Variants in ULK4 observed in about 807,000 individuals in gnomAD.
The protein encoded by ULK4 is inactive serine/threonine-protein kinase ULK4.
Under a neutral mutation model 160.6 loss-of-function variants are expected in ULK4, and 133 were observed. That is an observed-to-expected ratio of 0.83 (90% CI 0.72 to 0.96). The LOEUF (loss-of-function observed/expected upper bound fraction) is 0.96, where lower values mean the gene tolerates loss of function less well. Ranked by LOEUF, ULK4 falls within the 40% of genes least tolerant of loss-of-function variation. The pLI is 0.00. For missense variants in ULK4, 1,580 were observed against 1,499.5 expected (o/e 1.05, Z -0.89); for synonymous variants, 534 against 539.8 (o/e 0.99, Z 0.15).
At chr3:41,916,485 C>T (rs959404808) in intron 7 of ULK4, among the ~76,000 whole-genome samples, 1 of 152,008 alleles carries the variant, frequency 6.6e-6, no homozygotes, top group African/African-American at 2.4e-5. Context: ...ACCTCCCAGG[C>T]TCAAGTGATC....
intron 34 of ULK4, among the ~76,000 whole-genome samples, chr3:41,431,535 G>GT (rs1308303457): frequency 2.9e-5 from 2 of 68,102 alleles, no homozygotes; most frequent in Non-Finnish European, 5.8e-5. Flanking sequence ...GTGAGGTGTT[G>GT]TAATTCCCTC....
chr3:41,438,224 C>A (rs1423732341), intron 34 of ULK4, among the ~76,000 whole-genome samples: 1 of 151,752 alleles, frequency 6.6e-6, no homozygotes, highest in African/African-American at 2.4e-5. Context: ...AGCCTCACTT[C>A]TTTTTGTACA....
intron 31 of ULK4, among the ~76,000 whole-genome samples, chr3:41,574,349 T>C (rs748623240): frequency 2.0e-5 from 3 of 151,960 alleles, no homozygotes; most frequent in Non-Finnish European, 4.4e-5. Context: ...CTCCCTATTG[T>C]TCCCTCATCT....
At chr3:41,837,959 A>G (rs964189774) in intron 17 of ULK4, among the ~76,000 whole-genome samples, 11 of 152,216 alleles carry the variant, frequency 7.2e-5, no homozygotes, top group Admixed American at 7.2e-4. Flanking sequence ...CATCATCTAG[A>G]TGAAGTGGGT....
rs554376552 is a variant in ULK4 at position 41,911,045 on chromosome 3, C to G, written c.1085+272G>C. Among the ~76,000 whole-genome samples the G allele has an allele frequency of 7.9e-5, 12 of 152,276 alleles. No individual in the cohort carries two copies. In the East Asian group the frequency reaches 9.6e-4, roughly 12 times the overall value. On this transcript the variant is annotated intron_variant, in intron 11 of 36. Coordinates refer to ENST00000301831, the MANE Select transcript of ULK4 (RefSeq NM_017886.4). The stretch of plus-strand genomic sequence containing the variant: ...TAAGTTAAAGAACAAAATGAAGAGG[C>G]ATTAATTCTTACAAATGGAAATAAT...
At chr3:41,952,771 T>C (rs900488628) in intron 2 of ULK4, among the ~76,000 whole-genome samples, 5 of 152,222 alleles carry the variant, frequency 3.3e-5, no homozygotes, top group South Asian at 2.1e-4. Context: ...CACATATTCA[T>C]AGCACCATTG....
At chr3:41,325,674 G>T (rs1283606985) in intron 35 of ULK4, among the ~76,000 whole-genome samples, 2 of 152,182 alleles carry the variant, frequency 1.3e-5, no homozygotes, top group East Asian at 3.9e-4. Context: ...CCAGCACTTT[G>T]GGAGGCTGAG....
At position 41,318,692 on chromosome 3, in the gene ULK4, C is replaced by CTGATG. The variant is rs2080190864; in HGVS notation, c.3679-69119_3679-69118insCATCA. Among the ~76,000 whole-genome samples the CTGATG allele has an allele frequency of 3.9e-5, 6 of 152,330 alleles. No homozygotes were observed. In the South Asian group the frequency reaches 1.0e-3, roughly 26 times the overall value. The stretch of plus-strand genomic sequence containing the variant: ...ATCCTGATGAGCAGGGTCAGCCAGC[C>CTGATG]ACCTGAGTCATCCCGGAGTGACAGC... On this transcript the variant is annotated intron_variant, in intron 35 of 36. Coordinates refer to ENST00000301831, the MANE Select transcript of ULK4 (RefSeq NM_017886.4).
At chr3:41,674,100 C>T (rs6779534) in intron 29 of ULK4, among the ~76,000 whole-genome samples, 30,046 of 152,142 alleles carry the variant, frequency 0.2, 7,937 homozygotes, top group African/African-American at 0.61. Flanking sequence ...TCACACGATA[C>T]AGTACTAATA....
intron 32 of ULK4, among the ~76,000 whole-genome samples, chr3:41,556,848 G>GA (rs988797956): frequency 1.3e-5 from 2 of 150,722 alleles, no homozygotes; most frequent in African/African-American, 2.4e-5. Context: ...ACAGAAAGAG[G>GA]AAAAAAAAAT....
chr3:41,695,721 C>T (rs894809868), intron 27 of ULK4, among the ~76,000 whole-genome samples: 11 of 152,152 alleles, frequency 7.2e-5, no homozygotes, highest in African/African-American at 2.2e-4. Context: ...ACCGAGGCCA[C>T]GAGCTGTTCC....
In ULK4 at chr3:41,442,774, A is replaced by T. The variant is rs1215982440; in HGVS notation, c.3492+12723T>A. Among the ~76,000 whole-genome samples the T allele has an allele frequency of 3.3e-5, 5 of 152,138 alleles. No individual in the cohort carries two copies. In the South Asian group the frequency reaches 1.0e-3, roughly 32 times the overall value. On this transcript the variant is annotated intron_variant, in intron 34 of 36. Coordinates refer to ENST00000301831, the MANE Select transcript of ULK4 (RefSeq NM_017886.4). ...GCACCTGGTCCTTATTGTTGATTATAAATGTGTACTTACGTGTTGAGGAAT... is the reference window on the plus strand; with the variant it reads ...GCACCTGGTCCTTATTGTTGATTATTAATGTGTACTTACGTGTTGAGGAAT...
Position 41,818,887 on chromosome 3 carries a change from G to C in ULK4, c.1848+536C>G, listed in dbSNP as rs191006092. Among the ~76,000 whole-genome samples the C allele has an allele frequency of 6.8e-4, 104 of 152,340 alleles. 2 individuals carry two copies. The South Asian group carries it at 0.018, about 26-fold the overall frequency. ...GGAGCTACATATAGATGAGCTGGTT[G>C]GTTGGCCAGCTGGCTGGCTTTCAGC... On this transcript the variant is annotated intron_variant, in intron 19 of 36. Coordinates refer to ENST00000301831, the MANE Select transcript of ULK4 (RefSeq NM_017886.4).
intron 21 of ULK4, among the ~76,000 whole-genome samples, chr3:41,771,646 C>A (rs796647996): frequency 7.2e-5 from 11 of 152,192 alleles, no homozygotes; most frequent in African/African-American, 2.6e-4. Flanking sequence ...GGTAGGAAGA[C>A]CATAATACCT....
chr3:41,961,569 C>G lies in ULK4; in HGVS notation c.-49+447G>C, dbSNP rs1001667260. Among the ~76,000 whole-genome samples, 4 of 131,926 alleles carry G rather than the reference C, an allele frequency of 3.0e-5. No homozygotes were observed. In the South Asian group the frequency reaches 9.5e-4, roughly 31 times the overall value. The allele number at this position is 131,926 out of a possible 152,430, so 86.5% of individuals were successfully genotyped here. On this transcript the variant is annotated intron_variant, in intron 1 of 36. Coordinates refer to ENST00000301831, the MANE Select transcript of ULK4 (RefSeq NM_017886.4). ...TCACTCACCCCCCCCCCCCCCCCCC[C>G]CGCTCCCCAGGCAACTCGCGGCGGG...
chr3:41,305,650 G>T (rs980007780), intron 35 of ULK4, among the ~76,000 whole-genome samples: 3 of 151,926 alleles, frequency 2.0e-5, no homozygotes, highest in Admixed American at 2.0e-4. Context: ...ACCCCGTCTG[G>T]GAAGTGAGGA....
At chr3:41,614,891 G>A (rs2032882933) in intron 31 of ULK4, among the ~76,000 whole-genome samples, 1 of 152,170 alleles carries the variant, frequency 6.6e-6, no homozygotes. Context: ...AGGCTGATCT[G>A]GCTGGGGAAG....
rs190422198 is a variant in ULK4, at chr3:41,772,856, A to T, written c.2193+16805T>A. Among the ~76,000 whole-genome samples, 372 of 151,376 alleles carry T rather than the reference A, an allele frequency of 2.5e-3. 1 individual carries two copies. Among genetic ancestry groups the T allele is most frequent in the African/African-American group, 8.1e-3 (332 of 41,006 alleles). On this transcript the variant is annotated intron_variant, in intron 21 of 36. Coordinates refer to ENST00000301831, the MANE Select transcript of ULK4 (RefSeq NM_017886.4). ...GACAAACCAAATCCAGCAGCACATC[A>T]AAAAGCTTATCCACCATGATCAAGT...
At chr3:41,461,874 C>G (rs2083693480) in intron 33 of ULK4, among the ~76,000 whole-genome samples, 1 of 152,018 alleles carries the variant, frequency 6.6e-6, no homozygotes, top group Admixed American at 6.6e-5. Flanking sequence ...ACTATGGAAA[C>G]TGAAATAAGA....
Sources: gnomAD v4.1 joint callset for allele counts (sites outside exome capture counted in the v4.1 genomes callset) on GRCh38, gnomAD v4.1.1 for gene constraint, MANE v1.5 for transcripts, NCBI Gene and HGNC (gene_info 2026-07-23, HGNC 2026-07-21) for gene names.